The following FRK variants were observed in gnomAD, a reference collection of about 807,000 sequenced individuals.
FRK encodes the protein tyrosine-protein kinase FRK.
In FRK, 51 loss-of-function variants were observed where a neutral mutation model predicts 56.4. That is an observed-to-expected ratio of 0.90 (90% CI 0.72 to 1.14). FRK has a LOEUF of 1.14. Among genes scored for constraint, FRK ranks in the 50% most tolerant of loss-of-function variants. The probability of loss-of-function intolerance (pLI) is 0.00; values close to 1 mark genes in which losing one functional copy is unlikely to be tolerated. For missense variants in FRK, 570 were observed against 601.4 expected (o/e 0.95, Z 0.55); for synonymous variants, 245 against 217.9 (o/e 1.12, Z -1.10).
chr6:116,052,319 T>C (rs1345937019), intron 1 of FRK, among the ~76,000 whole-genome samples: 1 of 152,150 alleles, frequency 6.6e-6, no homozygotes, highest in Non-Finnish European at 1.5e-5. Context: ...AGCTTATGCC[T>C]TTAATGTAGA....
intron 2 of FRK, among the ~76,000 whole-genome samples, chr6:115,976,464 G>C (rs185240688): frequency 7.9e-5 from 12 of 152,200 alleles, no homozygotes; most frequent in Admixed American, 6.5e-4. Context: ...ACGTCAAGTC[G>C]GCTCAGTGAA....
intron 1 of FRK, among the ~76,000 whole-genome samples, chr6:116,029,708 T>A (rs1231537052): frequency 6.6e-6 from 1 of 152,150 alleles, no homozygotes; most frequent in African/African-American, 2.4e-5. Flanking sequence ...AATCACTTCC[T>A]ACACAAGGAA....
At chr6:116,004,193 T>A (rs1582702851) in intron 1 of FRK, among the ~76,000 whole-genome samples, 195 bp from the exon 2 acceptor site, 1 of 152,194 alleles carries the variant, frequency 6.6e-6, no homozygotes, top group East Asian at 1.9e-4. Flanking sequence ...AACATTTATT[T>A]TTTTTTACCT....
rs1364464377 is a variant in FRK at position 115,933,976 on chromosome 6, A to G, written c.*8438T>C. ...TCAAGGTCATCAGGAAAGTTTGGGTATATATGCACACATCTGCCTGGAATA... is the reference window on the plus strand; with the variant it reads ...TCAAGGTCATCAGGAAAGTTTGGGTGTATATGCACACATCTGCCTGGAATA... On this transcript the variant is annotated 3_prime_UTR_variant, in exon 8 of 8. Coordinates refer to ENST00000606080, the MANE Select transcript of FRK (RefSeq NM_002031.3). 6.6e-6 allele frequency: 1 copy of G among 152,108 alleles called. No individual in the cohort carries two copies. The highest frequency in any genetic ancestry group is 1.9e-4 in the East Asian group (1 of 5,184). The allele number at this position is 152,108 out of a possible 1,614,324, so 9.4% of individuals were successfully genotyped here. A position where few individuals can be genotyped will look rare whatever the true frequency, so the allele number is the denominator to read the frequency against.
chr6:116,049,992 TC>T (rs1294616116), intron 1 of FRK, among the ~76,000 whole-genome samples: 5 of 152,184 alleles, frequency 3.3e-5, no homozygotes, highest in African/African-American at 1.2e-4. Flanking sequence ...ATTTGTGTCT[TC>T]ATTCATGAGT....
At chr6:116,075,303 G>A in the FRK span, among the ~76,000 whole-genome samples, 2 of 151,804 alleles carry the variant, frequency 1.3e-5, no homozygotes, top group Non-Finnish European at 2.9e-5. Context: ...GCAAAAATAG[G>A]GATAATTATA....
intron 1 of FRK, among the ~76,000 whole-genome samples, chr6:116,029,699 A>G (rs1334770506): frequency 6.6e-6 from 1 of 152,158 alleles, no homozygotes; most frequent in Non-Finnish European, 1.5e-5. Context: ...CACTCTTACA[A>G]TCACTTCCTA....
At chr6:116,059,653 T>A (rs999119916) in intron 1 of FRK, among the ~76,000 whole-genome samples, 6 of 152,206 alleles carry the variant, frequency 3.9e-5, no homozygotes, top group Non-Finnish European at 8.8e-5. Flanking sequence ...ATTTTATTGC[T>A]AAAGTGAGGC....
At chr6:116,059,159 G>T (rs1243500659) in intron 1 of FRK, among the ~76,000 whole-genome samples, 2 of 152,040 alleles carry the variant, frequency 1.3e-5, no homozygotes, top group Admixed American at 6.5e-5. Context: ...GCACTTGGAG[G>T]GGTGGTAGGT....
chr6:116,026,512 G>C (rs547603560), intron 1 of FRK, among the ~76,000 whole-genome samples: 15 of 129,720 alleles, frequency 1.2e-4, no homozygotes, highest in Non-Finnish European at 2.3e-4. Flanking sequence ...AGGAAGGAAG[G>C]AGGGAGGGAG....
At chr6:115,947,149 C>T (rs1300596360) in intron 5 of FRK, among the ~76,000 whole-genome samples, 2 of 152,016 alleles carry the variant, frequency 1.3e-5, no homozygotes, top group Non-Finnish European at 2.9e-5. Context: ...GTGCTGGCCA[C>T]ATTCTAATGC....
chr6:116,098,009 T>C, the FRK span, among the ~76,000 whole-genome samples: 1 of 152,050 alleles, frequency 6.6e-6, no homozygotes, highest in Non-Finnish European at 1.5e-5. Context: ...CAAAAAATTA[T>C]TTTCTCACAG....
At chr6:116,025,938 G>A (rs1271363669) in intron 1 of FRK, among the ~76,000 whole-genome samples, 1 of 152,240 alleles carries the variant, frequency 6.6e-6, no homozygotes, top group Non-Finnish European at 1.5e-5. Flanking sequence ...ACTGAGATGA[G>A]GAAACTCATC....
intron 1 of FRK, among the ~76,000 whole-genome samples, chr6:116,042,004 A>G (rs1718722943): frequency 6.6e-6 from 1 of 152,212 alleles, no homozygotes; most frequent in South Asian, 2.1e-4. Context: ...CTGACATGAA[A>G]TTCTTACTGC....
intron 1 of FRK, among the ~76,000 whole-genome samples, chr6:116,025,923 G>A (rs1776071612): frequency 6.6e-6 from 1 of 152,142 alleles, no homozygotes; most frequent in Non-Finnish European, 1.5e-5. Flanking sequence ...CCTCATCTGA[G>A]TTAAACTGAG....
the FRK span, among the ~76,000 whole-genome samples, chr6:116,080,847 A>G: frequency 6.6e-6 from 1 of 152,206 alleles, no homozygotes; most frequent in African/African-American, 2.4e-5. Context: ...ATAAATATTG[A>G]TAATATCCAT....
At chr6:116,020,514 T>G (rs538748528) in intron 1 of FRK, among the ~76,000 whole-genome samples, 1 of 152,234 alleles carries the variant, frequency 6.6e-6, no homozygotes, top group African/African-American at 2.4e-5. Context: ...TGGTTTGAAC[T>G]CCTGACCTCA....
chr6:116,009,075 A>C (rs568122533), intron 1 of FRK, among the ~76,000 whole-genome samples: 1 of 152,288 alleles, frequency 6.6e-6, no homozygotes, highest in Non-Finnish European at 1.5e-5. Flanking sequence ...CTAACAAAAA[A>C]AAACAGAAGT....
the FRK span, among the ~76,000 whole-genome samples, chr6:116,085,307 G>A: frequency 6.6e-6 from 1 of 152,122 alleles, no homozygotes; most frequent in Admixed American, 6.6e-5. Context: ...GATCTTTAAG[G>A]ACATTCACTC....
Sources: allele counts gnomAD v4.1 joint callset (sites outside exome capture counted in the v4.1 genomes callset), GRCh38; gene constraint gnomAD v4.1.1; transcripts MANE v1.5; gene names NCBI Gene and HGNC (gene_info 2026-07-23, HGNC 2026-07-21).